Variants in SPATS2 observed in about 807,000 individuals in gnomAD.
SPATS2 encodes spermatogenesis-associated serine-rich protein 2.
Under a neutral mutation model 63.7 loss-of-function variants are expected in SPATS2, and 38 were observed. That is an observed-to-expected ratio of 0.60 (90% CI 0.46 to 0.78). The LOEUF (loss-of-function observed/expected upper bound fraction) is 0.78, where lower values mean the gene tolerates loss of function less well. Ranked by LOEUF, SPATS2 falls within the 30% of genes least tolerant of loss-of-function variation. The pLI, the probability that SPATS2 is intolerant of heterozygous loss-of-function variation, is 0.00. For missense variants in SPATS2, 588 were observed against 666.2 expected (o/e 0.88, Z 1.29); for synonymous variants, 207 against 232.9 (o/e 0.89, Z 1.01).
In SPATS2 at chr12:49,380,403, A is replaced by G. The variant is rs113945716; in HGVS notation, c.-244+9113A>G. On this transcript the variant is annotated intron_variant, in intron 2 of 13. Coordinates refer to ENST00000552918, the MANE Select transcript of SPATS2 (RefSeq NM_023071.4). ...CTCTGCCTTCAATGCCTTCCAGGTC[A>G]TTTGAAAAAATCTGTTTATTGGCCA... 2.6e-3 allele frequency among the ~76,000 whole-genome samples: 392 copies of G among 152,036 alleles called. 2 individuals carry two copies. Among genetic ancestry groups the G allele is most frequent in the African/African-American group, 9.0e-3 (375 of 41,480 alleles).
chr12:49,456,162 G>A (rs1431635474), intron 2 of SPATS2, among the ~76,000 whole-genome samples: 1 of 152,190 alleles, frequency 6.6e-6, no homozygotes, highest in Non-Finnish European at 1.5e-5. Context: ...TGCCTTGGTA[G>A]AACTACCTTT....
chr12:49,372,148 C>T (rs1944009129), intron 2 of SPATS2, among the ~76,000 whole-genome samples: 4 of 152,136 alleles, frequency 2.6e-5, no homozygotes, highest in Admixed American at 2.6e-4. Flanking sequence ...TGGGTTTAAG[C>T]GATTTTCCTG....
chr12:49,385,555 A>C (rs1944299930), intron 2 of SPATS2, among the ~76,000 whole-genome samples: 1 of 152,178 alleles, frequency 6.6e-6, no homozygotes, highest in Non-Finnish European at 1.5e-5. Flanking sequence ...AATCTTCAAA[A>C]TATATCTGAA....
At chr12:49,492,991 G>A (rs957957679) in intron 6 of SPATS2, among the ~76,000 whole-genome samples, 4 of 151,788 alleles carry the variant, frequency 2.6e-5, no homozygotes, top group African/African-American at 9.7e-5. Flanking sequence ...CCAGCTACTC[G>A]GGAGGCCAAG....
chr12:49,420,408 A>G (rs2137414546), intron 2 of SPATS2, among the ~76,000 whole-genome samples: 1 of 152,302 alleles, frequency 6.6e-6, no homozygotes, highest in South Asian at 2.1e-4. Flanking sequence ...AGCCTGGCCA[A>G]CATGGGGAAA....
At chr12:49,421,196 G>T (rs1944974935) in intron 2 of SPATS2, among the ~76,000 whole-genome samples, 1 of 152,002 alleles carries the variant, frequency 6.6e-6, no homozygotes. Context: ...GAGGCGGGCG[G>T]ATCATGAGGT....
At chr12:49,506,916 G>A (rs2137991570) in intron 9 of SPATS2, among the ~76,000 whole-genome samples, 2 of 151,776 alleles carry the variant, frequency 1.3e-5, no homozygotes, top group South Asian at 4.2e-4. Flanking sequence ...CATCTGTATT[G>A]TTTCCTCTTC....
intron 1 of SPATS2, among the ~76,000 whole-genome samples, chr12:49,370,277 C>T (rs1291600529): frequency 6.6e-6 from 1 of 152,120 alleles, no homozygotes; most frequent in Non-Finnish European, 1.5e-5. Context: ...TTTCAGTTTC[C>T]CATTGTAGGG....
At chr12:49,516,151 AAAAAAAAAAAAAAAAATATAT>A (rs1196732271) in intron 10 of SPATS2, among the ~76,000 whole-genome samples, 2 of 39,184 alleles carry the variant, frequency 5.1e-5, no homozygotes, top group African/African-American at 2.2e-4. Flanking sequence ...AAAAAAAAAA[AAAAAAAAAAAAAAAAATATAT>A]ATATATATAT....
intron 8 of SPATS2, 149 bp downstream of exon 8, chr12:49,497,158 CT>C: frequency 1.3e-6 from 1 of 753,878 alleles, no homozygotes; most frequent in African/African-American, 1.8e-5. Context: ...CTACTCAGCC[CT>C]TCCCCTAACC....
At chr12:49,419,461 A>T (rs370552176) in intron 2 of SPATS2, among the ~76,000 whole-genome samples, 2 of 152,216 alleles carry the variant, frequency 1.3e-5, no homozygotes, top group African/African-American at 4.8e-5. Flanking sequence ...CTGCCAGTGG[A>T]TTAGTTTGAT....
intron 2 of SPATS2, among the ~76,000 whole-genome samples, chr12:49,401,899 T>G (rs1036766628): frequency 2.0e-4 from 30 of 152,312 alleles, no homozygotes; most frequent in African/African-American, 7.2e-4. Context: ...GGTTTCGCCA[T>G]GTTGGCCAGG....
chr12:49,436,460 C>G (rs1270712749), intron 2 of SPATS2, among the ~76,000 whole-genome samples: 6 of 138,514 alleles, frequency 4.3e-5, no homozygotes, highest in Non-Finnish European at 1.6e-5. Flanking sequence ...TCCTCACTTC[C>G]CAGTAGGGGC....
chr12:49,489,554 A>G lies in SPATS2; in HGVS notation c.195A>G (p.Thr65=). The change falls in exon 5 of 14, where the codon ACA becomes ACG. Residue 65 remains threonine (T), a synonymous_variant. Coordinates refer to ENST00000552918, the MANE Select transcript of SPATS2 (RefSeq NM_023071.4). ...LQHFDNCVDK[T]VQAFMEGSAS... The stretch of plus-strand genomic sequence containing the variant: ...ACTTTGATAACTGTGTGGACAAAAC[A>G]GTACAAGCATTCATGGAAGGTAATC... The G allele has an allele frequency of 6.2e-7, 1 of 1,612,734 alleles. No homozygotes were observed. The highest frequency in any genetic ancestry group is 8.5e-7 in the Non-Finnish European group (1 of 1,179,452).
chr12:49,375,168 G>C (rs1944074953), intron 2 of SPATS2, among the ~76,000 whole-genome samples: 1 of 134,514 alleles, frequency 7.4e-6, no homozygotes, highest in African/African-American at 3.2e-5. Flanking sequence ...GTGTGTGTGT[G>C]TGTGTGTGTG....
intron 5 of SPATS2, 71 bp from the exon 6 acceptor site, chr12:49,490,611 A>G: frequency 7.2e-7 from 1 of 1,384,706 alleles, no homozygotes. Context: ...ACAAAATGGG[A>G]GGACACTGAC....
intron 1 of SPATS2, among the ~76,000 whole-genome samples, chr12:49,369,876 T>C (rs1943968455): frequency 6.6e-6 from 1 of 152,154 alleles, no homozygotes; most frequent in African/African-American, 2.4e-5. Flanking sequence ...TGGAAAACAA[T>C]TGAAAACTGC....
chr12:49,381,741 A>C (rs1476298684), intron 2 of SPATS2, among the ~76,000 whole-genome samples: 1 of 152,144 alleles, frequency 6.6e-6, no homozygotes, highest in Non-Finnish European at 1.5e-5. Flanking sequence ...ATGTATTATC[A>C]TTGTTTTATG....
chr12:49,465,490 TA>T (rs1945896475), intron 3 of SPATS2, among the ~76,000 whole-genome samples: 1 of 152,226 alleles, frequency 6.6e-6, no homozygotes, highest in African/African-American at 2.4e-5. Context: ...TAGCCATTTA[TA>T]TTTTTTTTGG....
Sources: allele counts gnomAD v4.1 joint callset (sites outside exome capture counted in the v4.1 genomes callset), GRCh38; gene constraint gnomAD v4.1.1; transcripts MANE v1.5; gene names NCBI Gene and HGNC (gene_info 2026-07-23, HGNC 2026-07-21).